Variants in MYB observed in about 807,000 individuals in gnomAD.
The protein encoded by MYB is MYB proto-oncogene, transcription factor, also known as transcriptional activator Myb.
MYB carries 28 observed loss-of-function variants against 92.9 expected under a neutral mutation model. The ratio of observed to expected loss-of-function variants is 0.30; its 90% CI spans 0.22 to 0.41. The LOEUF (loss-of-function observed/expected upper bound fraction) is 0.41, where lower values mean the gene tolerates loss of function less well. Ranked by LOEUF, MYB falls within the 10% of genes least tolerant of loss-of-function variation. MYB has a pLI of 1.00. For missense variants in MYB, 679 were observed against 929.3 expected (o/e 0.73, Z 3.50); for synonymous variants, 295 against 329.1 (o/e 0.90, Z 1.12).
intron 15 of MYB, among the ~76,000 whole-genome samples, chr6:135,207,372 C>T (rs768505854): frequency 7.9e-5 from 12 of 151,998 alleles, no homozygotes; most frequent in African/African-American, 2.4e-4. Context: ...ATTGTCTATC[C>T]CTCTAAACTG....
intron 6 of MYB, among the ~76,000 whole-genome samples, chr6:135,192,978 G>A (rs772570013): frequency 2.6e-5 from 4 of 152,206 alleles, no homozygotes; most frequent in Non-Finnish European, 4.4e-5. Flanking sequence ...TGTTTAAAGA[G>A]GAGAGAGTTT....
At chr6:135,208,740 T>C (rs1431566530) in intron 15 of MYB, among the ~76,000 whole-genome samples, 1 of 152,180 alleles carries the variant, frequency 6.6e-6, no homozygotes, top group African/African-American at 2.4e-5. Context: ...TACTTCCAGA[T>C]GTGTCTCTAA....
intron 3 of MYB, 36 bp downstream of exon 3, chr6:135,187,941 G>T (rs1172676354): frequency 1.4e-6 from 2 of 1,430,926 alleles, no homozygotes; most frequent in Non-Finnish European, 9.8e-7. Flanking sequence ...CGAAAGGAAA[G>T]CTTCTCCCAA....
intron 8 of MYB, 127 bp downstream of exon 8, chr6:135,194,587 A>G: frequency 1.5e-6 from 1 of 671,702 alleles, no homozygotes; most frequent in Non-Finnish European, 2.5e-6. Context: ...TCTCAACACA[A>G]GAAGTTGCTT....
intron 7 of MYB, 61 bp downstream of exon 7, chr6:135,193,979 A>C (rs766494257): frequency 7.6e-7 from 1 of 1,321,312 alleles, no homozygotes; most frequent in African/African-American, 1.4e-5. Context: ...TATTTCTTTC[A>C]TCTAAACACA....
chr6:135,200,686 A>G, intron 13 of MYB: 1 of 455,514 alleles, frequency 2.2e-6, no homozygotes, highest in East Asian at 4.5e-5. Context: ...TTTTTAATGT[A>G]CTTTTAAACA....
At chr6:135,196,411 T>C (rs1777317286) in intron 9 of MYB, among the ~76,000 whole-genome samples, 1 of 152,212 alleles carries the variant, frequency 6.6e-6, no homozygotes, top group Non-Finnish European at 1.5e-5. Flanking sequence ...TGTCTTGCTT[T>C]TGAACAGCAC....
chr6:135,213,117 T>G (rs1162755970), intron 15 of MYB, among the ~76,000 whole-genome samples: 1 of 152,184 alleles, frequency 6.6e-6, no homozygotes, highest in Non-Finnish European at 1.5e-5. Context: ...CTTGGTGGCC[T>G]TTTTGTTCCT....
intron 9 of MYB, 74 bp from the exon 10 acceptor site, chr6:135,196,887 C>T (rs1022095864): frequency 1.3e-6 from 2 of 1,583,796 alleles, no homozygotes; most frequent in Non-Finnish European, 1.7e-6. Flanking sequence ...CGTTGAGCAT[C>T]TCTCTCTCAG....
rs1777881993 is a variant in MYB, at chr6:135,200,299, C to G, written c.1834C>G (p.Pro612Ala). Residue 612 changes from proline (P) to alanine (A), a missense_variant, in exon 13 of 16, where the codon CCC becomes GCC. Physicochemically the swap from Pro to Ala is conservative, Grantham distance 27 (BLOSUM62 -1). This residue lies in a region of MYB where 402 missense variants were observed against 434.2 expected (regional missense o/e 0.93). Coordinates refer to ENST00000341911, the MANE Select transcript of MYB (RefSeq NM_001130173.2). Reference sequence around the variant, plus strand: ...CCACTCTTCCGTTTAGCCTCAGACACCCTCTCATCTAGTAGAAGATCTGCA... The same window carrying G: ...CCACTCTTCCGTTTAGCCTCAGACAGCCTCTCATCTAGTAGAAGATCTGCA... ...YGPLKMLPQT[P>A]SHLVEDLQDV... 6.2e-7 allele frequency: 1 copy of G among 1,613,932 alleles called. No homozygotes were observed. Among genetic ancestry groups the G allele is most frequent in the Non-Finnish European group, 8.5e-7 (1 of 1,179,984 alleles).
At chr6:135,185,783 A>G (rs1313208641) in intron 1 of MYB, 120 bp from the exon 2 acceptor site, 7 of 818,130 alleles carry the variant, frequency 8.6e-6, no homozygotes, top group Non-Finnish European at 1.4e-5. Context: ...GCAAGTTTTC[A>G]AAGTTTTGTC....
chr6:135,208,900 G>A (rs1238587203), intron 15 of MYB, among the ~76,000 whole-genome samples: 2 of 152,188 alleles, frequency 1.3e-5, no homozygotes, highest in East Asian at 3.9e-4. Context: ...ATTTGGTTAA[G>A]CCTCTTAAAT....
intron 1 of MYB, among the ~76,000 whole-genome samples, chr6:135,185,394 G>A (rs954547081): frequency 3.3e-5 from 5 of 151,984 alleles, no homozygotes; most frequent in Admixed American, 2.0e-4. Context: ...TCTGTTTTGC[G>A]CTGTACTACT....
intron 10 of MYB, among the ~76,000 whole-genome samples, chr6:135,198,686 G>C (rs1777659630): frequency 6.6e-6 from 1 of 152,150 alleles, no homozygotes; most frequent in African/African-American, 2.4e-5. Flanking sequence ...AAGTTTTTCA[G>C]CAATGACCCT....
intron 1 of MYB, among the ~76,000 whole-genome samples, chr6:135,185,206 A>G (rs1262410196): frequency 1.3e-5 from 2 of 152,236 alleles, no homozygotes; most frequent in Non-Finnish European, 2.9e-5. Flanking sequence ...GAAACTAAGT[A>G]TTGTAAACAT....
Position 135,219,069 on chromosome 6 carries a change from G to C in MYB, c.*1089G>C, listed in dbSNP as rs778285146. 2.2e-5 allele frequency: 5 copies of C among 225,306 alleles called. No individual in the cohort carries two copies. Among genetic ancestry groups the C allele is most frequent in the Non-Finnish European group, 4.4e-5 (5 of 112,762 alleles). The allele number at this position is 225,306 out of a possible 1,614,324, so 14.0% of individuals were successfully genotyped here. A position where few individuals can be genotyped will look rare whatever the true frequency, so the allele number is the denominator to read the frequency against. On this transcript the variant is annotated 3_prime_UTR_variant, in exon 16 of 16. Transcript: ENST00000341911. Reference sequence around the variant, plus strand: ...AAACTGTGGTTGATAGCCAGTCACTGCCTTAAGAACATTTGATGCAAGATG... The same window carrying C: ...AAACTGTGGTTGATAGCCAGTCACTCCCTTAAGAACATTTGATGCAAGATG...
chr6:135,208,482 C>T (rs908075880), intron 15 of MYB, among the ~76,000 whole-genome samples: 7 of 151,846 alleles, frequency 4.6e-5, no homozygotes, highest in African/African-American at 1.7e-4. Context: ...TGGACTCAAG[C>T]AATCCTCCTC....
At position 135,190,444 on chromosome 6, in the gene MYB, C is replaced by A; in HGVS notation, c.527+97C>A. 1 of 937,290 alleles carries A rather than the reference C, an allele frequency of 1.1e-6. No homozygotes were observed. The highest frequency in any genetic ancestry group is 1.6e-6 in the Non-Finnish European group (1 of 611,514). The allele number at this position is 937,290 out of a possible 1,614,324, so 58.1% of individuals were successfully genotyped here. On this transcript the variant is annotated intron_variant, in intron 5 of 15. Transcript: ENST00000341911. This position sits in a 1 kb window ranked among gnomAD's most constrained non-coding sequence, Gnocchi z 4.5. Reference sequence around the variant, plus strand: ...GTATGGTGAGTAAATTATATTTCATCAGTCGTAAGTGTTTTATTAGATAAA... The same window carrying A: ...GTATGGTGAGTAAATTATATTTCATAAGTCGTAAGTGTTTTATTAGATAAA...
chr6:135,203,919 A>T (rs1023079496), intron 15 of MYB: 6 of 1,130,766 alleles, frequency 5.3e-6, no homozygotes, highest in Non-Finnish European at 6.6e-6. Context: ...GTGTTGATGA[A>T]ATATAACCAA....
Sources: gnomAD v4.1 joint callset for allele counts (sites outside exome capture counted in the v4.1 genomes callset) on GRCh38, gnomAD v4.1.1 for gene constraint, gnomAD v4.1.1 regional missense constraint, Gnocchi (gnomAD v3.1) non-coding constraint, MANE v1.5 for transcripts, NCBI Gene and HGNC (gene_info 2026-07-23, HGNC 2026-07-21) for gene names.